The following ATP9B variants were observed in gnomAD, a reference collection of about 807,000 sequenced individuals.
ATP9B encodes the protein ATPase phospholipid transporting 9B.
ATP9B carries 110 observed loss-of-function variants against 146.1 expected under a neutral mutation model. The observed-to-expected ratio is 0.75, with a 90% CI of 0.65 to 0.88. ATP9B has a LOEUF of 0.88. Among genes scored for constraint, ATP9B ranks in the 40% least tolerant of loss-of-function variants. The pLI, the probability that ATP9B is intolerant of heterozygous loss-of-function variation, is 0.00. For synonymous variants in ATP9B, 604 were observed against 569.7 expected, an observed-to-expected ratio of 1.06 and a Z score of -0.86; for missense variants, 1,499 against 1,496.4, an observed-to-expected ratio of 1.00 and a Z score of -0.03.
intron 1 of ATP9B, among the ~76,000 whole-genome samples, chr18:79,074,448 C>T (rs1185950982): frequency 6.6e-6 from 1 of 152,184 alleles, no homozygotes; most frequent in Non-Finnish European, 1.5e-5. Flanking sequence ...GGAGCAAGGT[C>T]TTAGGTTATG....
intron 9 of ATP9B, among the ~76,000 whole-genome samples, chr18:79,196,474 A>G (rs2095418863): frequency 6.6e-6 from 1 of 152,184 alleles, no homozygotes; most frequent in African/African-American, 2.4e-5. Flanking sequence ...AGAGGAGGAG[A>G]AAATAGAAGG....
At chr18:79,217,342 G>C (rs750597622) in intron 11 of ATP9B, among the ~76,000 whole-genome samples, 2 of 152,114 alleles carry the variant, frequency 1.3e-5, no homozygotes, top group African/African-American at 2.4e-5. Flanking sequence ...CCACCGCCAC[G>C]CCTGGCTAAT....
chr18:79,155,543 C>A (rs2094761465), intron 7 of ATP9B, among the ~76,000 whole-genome samples: 1 of 151,976 alleles, frequency 6.6e-6, no homozygotes, highest in East Asian at 1.9e-4. Context: ...GCCCTACATT[C>A]CTGACGTTAT....
intron 19 of ATP9B, among the ~76,000 whole-genome samples, chr18:79,338,256 C>T (rs574477076): frequency 9.8e-5 from 15 of 152,360 alleles, no homozygotes; most frequent in Admixed American, 6.5e-4. Context: ...CCCCTGGGCT[C>T]AGCAGCAAGA....
intron 8 of ATP9B, 56 bp downstream of exon 8, chr18:79,176,963 T>C: frequency 6.9e-7 from 1 of 1,449,910 alleles, no homozygotes; most frequent in South Asian, 1.2e-5. Context: ...TTTCTAGGCT[T>C]CACGTATATT....
At chr18:79,213,268 A>G (rs1250071988) in intron 10 of ATP9B, among the ~76,000 whole-genome samples, 1 of 152,160 alleles carries the variant, frequency 6.6e-6, no homozygotes, top group East Asian at 1.9e-4. Flanking sequence ...TTTCAGAAAG[A>G]GATTTCCATG....
intron 2 of ATP9B, among the ~76,000 whole-genome samples, chr18:79,100,731 T>A (rs1475718325): frequency 1.3e-5 from 2 of 151,968 alleles, no homozygotes; most frequent in East Asian, 3.9e-4. Flanking sequence ...AAGAAAGAGG[T>A]TCAGTTAGAC....
intron 20 of ATP9B, among the ~76,000 whole-genome samples, 167 bp downstream of exon 20, chr18:79,342,533 C>T (rs567552988): frequency 8.6e-5 from 13 of 151,988 alleles, no homozygotes; most frequent in African/African-American, 2.2e-4. Context: ...CACATGTATA[C>T]GTATGTAACT....
intron 26 of ATP9B, among the ~76,000 whole-genome samples, chr18:79,368,628 TG>T (rs1325343638): frequency 3.3e-5 from 5 of 152,162 alleles, no homozygotes; most frequent in Non-Finnish European, 7.4e-5. Flanking sequence ...ATGTATTTAA[TG>T]AAATTGAGCT....
At chr18:79,334,954 C>G (rs1196946892) in intron 17 of ATP9B, among the ~76,000 whole-genome samples, 1 of 152,002 alleles carries the variant, frequency 6.6e-6, no homozygotes, top group Non-Finnish European at 1.5e-5. Flanking sequence ...GGGTTTGTTT[C>G]TTCACCTGCC....
chr18:79,085,005 CA>C (rs36084623), intron 1 of ATP9B: 99,881 of 136,328 alleles, frequency 0.73, 35,425 homozygotes, highest in South Asian at 0.89. Flanking sequence ...GGGTAATTTA[CA>C]AAAAAAAAAA....
chr18:79,153,459 T>A (rs1451458892), intron 6 of ATP9B, among the ~76,000 whole-genome samples: 2 of 152,168 alleles, frequency 1.3e-5, no homozygotes, highest in Non-Finnish European at 2.9e-5. Flanking sequence ...TTCTTTCACA[T>A]CTATTAAGTG....
At chr18:79,173,609 C>T (rs996939622) in intron 7 of ATP9B, 5 of 438,070 alleles carry the variant, frequency 1.1e-5, no homozygotes, top group East Asian at 7.0e-5. Flanking sequence ...TTTGTAAATG[C>T]ATCAAAAGTA....
intron 25 of ATP9B, among the ~76,000 whole-genome samples, chr18:79,352,216 T>G (rs896451060): frequency 1.3e-5 from 2 of 152,206 alleles, no homozygotes; most frequent in Admixed American, 1.3e-4. Flanking sequence ...CTTTTACCCT[T>G]GCTAGTGACT....
chr18:79,286,872 T>C lies in ATP9B; in HGVS notation c.1411+9676T>C, dbSNP rs568418299. Among the ~76,000 whole-genome samples the C allele has an allele frequency of 3.3e-5, 5 of 152,358 alleles. No individual in the cohort carries two copies. The South Asian group carries it at 8.3e-4, about 25-fold the overall frequency. On this transcript the variant is annotated intron_variant, in intron 13 of 29. Coordinates refer to ENST00000426216, the MANE Select transcript of ATP9B (RefSeq NM_198531.5). ...AAATTCATTTCTGCATCTATTGAGATAATCATGTGGTTTTTGTCTTTGGTT... is the reference window on the plus strand; with the variant it reads ...AAATTCATTTCTGCATCTATTGAGACAATCATGTGGTTTTTGTCTTTGGTT...
chr18:79,130,211 C>T (rs958581116), intron 5 of ATP9B, among the ~76,000 whole-genome samples: 1 of 152,108 alleles, frequency 6.6e-6, no homozygotes, highest in African/African-American at 2.4e-5. Flanking sequence ...TCAAGGAAAC[C>T]ATGGGGATGT....
chr18:79,235,082 G>A (rs1482219962), intron 11 of ATP9B, among the ~76,000 whole-genome samples: 2 of 151,950 alleles, frequency 1.3e-5, no homozygotes, highest in Non-Finnish European at 2.9e-5. Context: ...CATATTGGTC[G>A]GGCTGGTCTC....
chr18:79,225,409 A>C (rs911799609), intron 11 of ATP9B, among the ~76,000 whole-genome samples: 8 of 152,276 alleles, frequency 5.3e-5, no homozygotes, highest in Admixed American at 5.2e-4. Context: ...TTTTTACACT[A>C]TAATGAGATA....
chr18:79,277,380 T>A, intron 13 of ATP9B, 184 bp downstream of exon 13: 1 of 617,394 alleles, frequency 1.6e-6, no homozygotes, highest in Non-Finnish European at 2.7e-6. Flanking sequence ...TTAATCATCT[T>A]CTAGTATACA....
Sources: gnomAD v4.1 joint callset for allele counts (sites outside exome capture counted in the v4.1 genomes callset) on GRCh38, gnomAD v4.1.1 for gene constraint, MANE v1.5 for transcripts, NCBI Gene and HGNC (gene_info 2026-07-23, HGNC 2026-07-21) for gene names.